USP48: variants seen among roughly 807,000 people sequenced by gnomAD.
USP48 encodes ubiquitin carboxyl-terminal hydrolase 48.
In USP48, 43 loss-of-function variants were observed where a neutral mutation model predicts 150.7. That is an observed-to-expected ratio of 0.29 (90% CI 0.22 to 0.37). The LOEUF is 0.37. Among genes scored for constraint, USP48 ranks in the 10% least tolerant of loss-of-function variants. The pLI, the probability that USP48 is intolerant of heterozygous loss-of-function variation, is 1.00. For synonymous variants in USP48, 396 were observed against 425.9 expected, an observed-to-expected ratio of 0.93 and a Z score of 0.86; for missense variants, 813 against 1,249.6, an observed-to-expected ratio of 0.65 and a Z score of 5.27.
At chr1:21,759,244 A>T (rs1244098446) in intron 1 of USP48, among the ~76,000 whole-genome samples, 1 of 151,468 alleles carries the variant, frequency 6.6e-6, no homozygotes, top group African/African-American at 2.4e-5. Context: ...AATTCAAAAC[A>T]GAGAAAACAT....
In USP48 at chr1:21,715,433, T is replaced by G. The variant is rs756176560; in HGVS notation, c.1919A>C (p.Glu640Ala). 7 of 1,584,154 alleles carry G rather than the reference T, an allele frequency of 4.4e-6. No homozygotes were observed. The South Asian group carries it at 7.8e-5, about 18-fold the overall frequency. Residue 640 changes from glutamate (E) to alanine (A), a missense_variant, in exon 15 of 27, where the codon GAA (glutamate) becomes GCA (alanine). Glu to Ala is a moderately radical substitution (Grantham distance 107). Coordinates refer to ENST00000308271, the MANE Select transcript of USP48 (RefSeq NM_032236.8). ...TTCATTAAAATTTAATTCCTCCTCTTCTTTTCTTTCTTCCTTTGATTCATC... is the reference window on the plus strand; with the variant it reads ...TTCATTAAAATTTAATTCCTCCTCTGCTTTTCTTTCTTCCTTTGATTCATC... ...NKDESKEERK[E>A]EEELNFNEDI...
intron 1 of USP48, among the ~76,000 whole-genome samples, chr1:21,774,854 G>A (rs2097893405): frequency 6.6e-6 from 1 of 151,794 alleles, no homozygotes; most frequent in East Asian, 2.0e-4. Context: ...AGCCAAGCAT[G>A]GTGGCCCATG....
chr1:21,696,778 A>C (rs2152507440), intron 22 of USP48, among the ~76,000 whole-genome samples: 1 of 151,898 alleles, frequency 6.6e-6, no homozygotes, highest in Non-Finnish European at 1.5e-5. Flanking sequence ...ATAGATGAGG[A>C]CCAAATGTCC....
At chr1:21,709,880 C>T (rs1398727170) in intron 15 of USP48, among the ~76,000 whole-genome samples, 2 of 152,068 alleles carry the variant, frequency 1.3e-5, no homozygotes, top group African/African-American at 2.4e-5. Flanking sequence ...AATATATAGT[C>T]CTTCACTCTA....
At position 21,782,811 on chromosome 1, in the gene USP48, G is replaced by A. The variant is rs1418351187; in HGVS notation, c.134+13C>T. The A allele has an allele frequency of 3.3e-6, 5 of 1,526,474 alleles. No individual in the cohort carries two copies. Among genetic ancestry groups the A allele is most frequent in the Non-Finnish European group, 4.4e-6 (5 of 1,138,096 alleles). The allele number at this position is 1,526,474 out of a possible 1,614,324, so 94.6% of individuals were successfully genotyped here. On this transcript the variant is annotated intron_variant, in intron 1 of 26. Transcript: ENST00000308271. Reference sequence around the variant, plus strand: ...GCGCGAGGAGCCCGCGAGGCGCGGTGCGCGGGCCTCACCTGCACACGCCGC... The same window carrying A: ...GCGCGAGGAGCCCGCGAGGCGCGGTACGCGGGCCTCACCTGCACACGCCGC...
chr1:21,774,988 CAAAA>C lies in USP48; in HGVS notation c.134+7832_134+7835del, dbSNP rs1183261389. On this transcript the variant is annotated intron_variant, in intron 1 of 26. Transcript: ENST00000308271. ...CCTGGGCAACAAAGCTAGACTCTCT[CAAAA>C]ATAAATAAATAAATAAATAAATAAA... Among the ~76,000 whole-genome samples the C allele has an allele frequency of 2.6e-5, 3 of 115,540 alleles. No individual in the cohort carries two copies. In the South Asian group the frequency reaches 1.0e-3, roughly 40 times the overall value. 75.8% of individuals were successfully genotyped at this position (115,540 alleles called of 152,430 possible). A position where few individuals can be genotyped will look rare whatever the true frequency, so the allele number is the denominator to read the frequency against.
At chr1:21,762,311 A>G (rs189176383) in intron 1 of USP48, among the ~76,000 whole-genome samples, 5 of 152,294 alleles carry the variant, frequency 3.3e-5, no homozygotes, top group Admixed American at 1.3e-4. Context: ...GAGACTGAGA[A>G]AAGTAACAGA....
At chr1:21,764,928 T>C (rs896221693) in intron 1 of USP48, among the ~76,000 whole-genome samples, 3 of 152,082 alleles carry the variant, frequency 2.0e-5, no homozygotes, top group African/African-American at 7.2e-5. Flanking sequence ...AAAAGACACT[T>C]AGTCACTTCA....
intron 25 of USP48, among the ~76,000 whole-genome samples, chr1:21,681,617 G>A (rs1278513943): frequency 1.3e-5 from 2 of 152,126 alleles, no homozygotes; most frequent in Non-Finnish European, 2.9e-5. Context: ...GATACAAACA[G>A]CTGTTTTACC....
intron 19 of USP48, among the ~76,000 whole-genome samples, chr1:21,705,479 G>C (rs984289183): frequency 1.3e-5 from 2 of 152,130 alleles, no homozygotes; most frequent in African/African-American, 4.8e-5. Context: ...GAAGAGAAAG[G>C]GTGGCTGTGT....
chr1:21,713,841 C>A (rs1394807337), intron 15 of USP48, among the ~76,000 whole-genome samples: 12 of 152,156 alleles, frequency 7.9e-5, no homozygotes, highest in African/African-American at 2.9e-4. Flanking sequence ...AAAAGACCAA[C>A]CAGTAGACAG....
chr1:21,719,840 C>A (rs974331142), intron 14 of USP48, among the ~76,000 whole-genome samples: 1 of 151,896 alleles, frequency 6.6e-6, no homozygotes, highest in Non-Finnish European at 1.5e-5. Context: ...GCCGAGACTG[C>A]GTCACTGCAC....
intron 24 of USP48, among the ~76,000 whole-genome samples, chr1:21,689,138 C>A (rs2097588922): frequency 6.6e-6 from 1 of 150,782 alleles, no homozygotes; most frequent in African/African-American, 2.4e-5. Context: ...CTATGAAAAT[C>A]TCAGCAGAGA....
At chr1:21,757,990 AC>A (rs2097841077) in intron 1 of USP48, among the ~76,000 whole-genome samples, 1 of 152,118 alleles carries the variant, frequency 6.6e-6, no homozygotes, top group Non-Finnish European at 1.5e-5. Flanking sequence ...TACATAGACA[AC>A]TACCTTTAGA....
At chr1:21,700,546 G>A (rs1370566217) in intron 22 of USP48, among the ~76,000 whole-genome samples, 2 of 152,112 alleles carry the variant, frequency 1.3e-5, no homozygotes, top group African/African-American at 2.4e-5. Context: ...TATTGCAGAT[G>A]GCTATTGTAA....
intron 22 of USP48, among the ~76,000 whole-genome samples, chr1:21,698,776 T>C (rs909945962): frequency 1.3e-5 from 2 of 151,918 alleles, no homozygotes. Flanking sequence ...GCGCCTGTAG[T>C]CCCCGTTACT....
chr1:21,750,407 C>G (rs1464794676), intron 6 of USP48, among the ~76,000 whole-genome samples: 1 of 152,112 alleles, frequency 6.6e-6, no homozygotes, highest in South Asian at 2.1e-4. Flanking sequence ...GCACATTGCC[C>G]AGCGCCACAT....
chr1:21,750,721 AC>A (rs199688973), intron 6 of USP48, among the ~76,000 whole-genome samples: 6 of 130,060 alleles, frequency 4.6e-5, no homozygotes, highest in Non-Finnish European at 3.6e-5. Context: ...AAAAATACAC[AC>A]ACAAAAAAAA....
intron 9 of USP48, among the ~76,000 whole-genome samples, chr1:21,733,092 T>A (rs1218398642): frequency 6.6e-6 from 1 of 152,038 alleles, no homozygotes; most frequent in Admixed American, 6.6e-5. Context: ...CATGCACAGG[T>A]AAGAGGAGGT....
Sources: gnomAD v4.1 joint callset for allele counts (sites outside exome capture counted in the v4.1 genomes callset) on GRCh38, gnomAD v4.1.1 for gene constraint, MANE v1.5 for transcripts, NCBI Gene and HGNC (gene_info 2026-07-23, HGNC 2026-07-21) for gene names.